The following HMCN2 variants were observed in gnomAD, a reference collection of about 807,000 sequenced individuals.
HMCN2 encodes hemicentin 2.
A neutral mutation model predicts 377.5 loss-of-function variants in HMCN2; 325 were observed. The observed-to-expected ratio is 0.86, with a 90% CI of 0.79 to 0.94. HMCN2 has a LOEUF of 0.94. HMCN2 is among the 40% of genes least tolerant of loss of function. HMCN2 has a pLI of 0.00. For missense variants in HMCN2, 4,543 were observed against 4,725.3 expected (o/e 0.96, Z 1.13); for synonymous variants, 2,007 against 2,046.8 (o/e 0.98, Z 0.53).
chr9:130,331,522 G>C (rs1838427730), intron 22 of HMCN2, among the ~76,000 whole-genome samples: 1 of 151,478 alleles, frequency 6.6e-6, no homozygotes, highest in Non-Finnish European at 1.5e-5. Flanking sequence ...GGCTTGGGCT[G>C]TGTGTGAGGT....
Position 130,422,982 on chromosome 9 carries a change from T to C in HMCN2, c.13381+256T>C, listed in dbSNP as rs1159954425. Among the ~76,000 whole-genome samples, 1 of 152,162 alleles carries C rather than the reference T, an allele frequency of 6.6e-6. No homozygotes were observed. The highest frequency in any genetic ancestry group is 2.4e-5 in the African/African-American group (1 of 41,438). On this transcript the variant is annotated intron_variant, in intron 87 of 97. Coordinates refer to ENST00000683500, the MANE Select transcript of HMCN2 (RefSeq NM_001291815.2). This position sits in a 1 kb window ranked among gnomAD's most constrained non-coding sequence, Gnocchi z 4.2. ...CATTTACAGTCAGACCAAGAGTGTG[T>C]GAAACGGTCAGTGTTCTGGGGGTGC...
chr9:130,304,671 A>G lies in HMCN2; in HGVS notation c.1544-59A>G, dbSNP rs1303646838. The G allele has an allele frequency of 4.8e-6, 2 of 417,226 alleles. No individual in the cohort carries two copies. The highest frequency in any genetic ancestry group is 1.4e-4 in the East Asian group (2 of 13,842). The allele number at this position is 417,226 out of a possible 1,614,324, so 25.8% of individuals were successfully genotyped here. ...GGTTCTGGGCAGCACCAGGGCTTGC[A>G]CGATGACCCCCTCCCTTGCCTCAGC... On this transcript the variant is annotated intron_variant, in intron 10 of 97. Coordinates refer to ENST00000683500, the MANE Select transcript of HMCN2 (RefSeq NM_001291815.2). The surrounding 1 kb of genome is among the most constrained non-coding windows in gnomAD (Gnocchi z 4.3).
chr9:130,266,063 G>T lies in HMCN2; in HGVS notation c.185G>T (p.Arg62Leu), dbSNP rs1194814316. Residue 62 changes from arginine to leucine, a missense_variant, in exon 1 of 98, where the codon CGC (arginine) becomes CTC (leucine). This residue lies in a region of HMCN2 where 547 missense variants were observed against 189.9 expected (regional missense o/e 2.88). Coordinates refer to ENST00000683500, the MANE Select transcript of HMCN2 (RefSeq NM_001291815.2). ...ATGCAGGTGATCGATGGCGCCTCGCGCATTCTGGAACGCAGTCTGAGCCGC... is the reference window on the plus strand; with the variant it reads ...ATGCAGGTGATCGATGGCGCCTCGCTCATTCTGGAACGCAGTCTGAGCCGC... ...ELMQVIDGAS[R>L]ILERSLSRRS... 1.1e-5 allele frequency: 5 copies of T among 470,582 alleles called. No homozygotes were observed. The highest frequency in any genetic ancestry group is 2.2e-5 in the Non-Finnish European group (5 of 227,012). 29.2% of individuals were successfully genotyped at this position (470,582 alleles called of 1,614,324 possible).
intron 1 of HMCN2, among the ~76,000 whole-genome samples, chr9:130,279,628 C>T (rs578135884): frequency 6.6e-6 from 1 of 152,330 alleles, no homozygotes; most frequent in South Asian, 2.1e-4. Context: ...GCTGATATTA[C>T]AGGCGTGAGC....
chr9:130,309,576 C>T (rs955616232), intron 14 of HMCN2, among the ~76,000 whole-genome samples: 10 of 151,604 alleles, frequency 6.6e-5, no homozygotes, highest in Non-Finnish European at 1.5e-4. Context: ...CAGGGCTCCC[C>T]AGAGCCCTCC....
Position 130,422,032 on chromosome 9 carries a change from C to T in HMCN2, c.13232-545C>T, listed in dbSNP as rs1844046401. Among the ~76,000 whole-genome samples, 1 of 152,236 alleles carries T rather than the reference C, an allele frequency of 6.6e-6. No individual in the cohort carries two copies. The highest frequency in any genetic ancestry group is 1.5e-5 in the Non-Finnish European group (1 of 68,044). On this transcript the variant is annotated intron_variant, in intron 86 of 97. Coordinates refer to ENST00000683500, the MANE Select transcript of HMCN2 (RefSeq NM_001291815.2). This position sits in a 1 kb window ranked among gnomAD's most constrained non-coding sequence, Gnocchi z 4.2. Reference sequence around the variant, plus strand: ...CATCCGTTTGATTAGCGCTAAAGAGCATCTGCTCACAGATGGCCTGGCGGG... The same window carrying T: ...CATCCGTTTGATTAGCGCTAAAGAGTATCTGCTCACAGATGGCCTGGCGGG...
At position 130,299,285 on chromosome 9, in the gene HMCN2, C is replaced by T. The variant is rs576792337; in HGVS notation, c.1273C>T (p.Pro425Ser). 82 of 454,680 alleles carry T rather than the reference C, an allele frequency of 1.8e-4. 3 individuals carry two copies. Among genetic ancestry groups the T allele is most frequent in the South Asian group, 1.2e-3 (77 of 63,248 alleles). The allele number at this position is 454,680 out of a possible 1,614,324, so 28.2% of individuals were successfully genotyped here. ...VSGVSYSGVA[P>S]GAPLVSMAPR... ...TGGAGTGTCCTACAGTGGGGTGGCC[C>T]CAGGTGAGTGGTTGGCTCTTTTGTC... The change falls in exon 8 of 98, where the codon CCA becomes TCA. Residue 425 changes from proline (P) to serine (S), a missense_variant. Transcript: ENST00000683500.
rs1411297012 is a variant in HMCN2, at chr9:130,354,941, G to A, written c.5043G>A (p.Val1681=). 5.4e-6 allele frequency: 7 copies of A among 1,303,362 alleles called. No homozygotes were observed. In the Admixed American group the frequency reaches 6.9e-5, roughly 13 times the overall value. The allele number at this position is 1,303,362 out of a possible 1,614,324, so 80.7% of individuals were successfully genotyped here. The stretch of plus-strand genomic sequence containing the variant: ...CGCGGCTGGAGACAGACGGGAGTGT[G>A]CTGAGGCTGGAGAGCCCGGGGGAGG... ...NESRLETDGS[V]LRLESPGEAS... Residue 1681 remains valine (V), a synonymous_variant, in exon 32 of 98, where the codon GTG becomes GTA. Transcript: ENST00000683500.
chr9:130,357,321 G>A (rs370503421), intron 34 of HMCN2, among the ~76,000 whole-genome samples: 3 of 150,466 alleles, frequency 2.0e-5, no homozygotes, highest in African/African-American at 7.4e-5. Context: ...TGCATGGGTG[G>A]GTGGGTGGAT....
At chr9:130,376,948 C>T (rs1450294350) in intron 52 of HMCN2, among the ~76,000 whole-genome samples, 1 of 151,476 alleles carries the variant, frequency 6.6e-6, no homozygotes, top group Non-Finnish European at 1.5e-5. Flanking sequence ...CAGGTGCCCG[C>T]CACCATGCCC....
rs1445572478 is a variant in HMCN2 at position 130,376,522 on chromosome 9, C to T, written c.7925C>T (p.Pro2642Leu). Reference sequence around the variant, plus strand: ...GACCCCTCGTGCTTTTCAGTCCCCCCTTCCATCTCCAAAGACGACCCCTTG... The same window carrying T: ...GACCCCTCGTGCTTTTCAGTCCCCCTTTCCATCTCCAAAGACGACCCCTTG... ...KNYHVEVLIP[P>L]SISKDDPLAE... Residue 2642 changes from proline to leucine, a missense_variant, in exon 52 of 98, where the codon CCT becomes CTT. By Grantham distance (98) the Pro-to-Leu change is moderately conservative. This residue lies in a region of HMCN2 where 736 missense variants were observed against 773.2 expected (regional missense o/e 0.95). Transcript: ENST00000683500. 1 of 985,798 alleles carries T rather than the reference C, an allele frequency of 1.0e-6. No homozygotes were observed. Among genetic ancestry groups the T allele is most frequent in the Admixed American group, 6.1e-5 (1 of 16,276 alleles). The allele number at this position is 985,798 out of a possible 1,614,324, so 61.1% of individuals were successfully genotyped here. A position where few individuals can be genotyped will look rare whatever the true frequency, so the allele number is the denominator to read the frequency against.
Position 130,369,471 on chromosome 9 carries a change from C to A in HMCN2, c.6788-99C>A. On this transcript the variant is annotated intron_variant, in intron 44 of 97. Transcript: ENST00000683500. This position sits in a 1 kb window ranked among gnomAD's most constrained non-coding sequence, Gnocchi z 4.5. ...CACGAGGTCACACAGCCAGCGATGG[C>A]AAGGGGAGAGGGTGTGTCCCTATTG... 1.5e-6 allele frequency: 1 copy of A among 667,652 alleles called. No homozygotes were observed. Among genetic ancestry groups the A allele is most frequent in the Non-Finnish European group, 1.9e-6 (1 of 539,496 alleles). 41.4% of individuals were successfully genotyped at this position (667,652 alleles called of 1,614,324 possible).
Position 130,428,321 on chromosome 9 carries a change from C to T in HMCN2, c.14066-37C>T. 1 of 1,498,478 alleles carries T rather than the reference C, an allele frequency of 6.7e-7. No individual in the cohort carries two copies. Among genetic ancestry groups the T allele is most frequent in the Non-Finnish European group, 9.0e-7 (1 of 1,116,986 alleles). 92.8% of individuals were successfully genotyped at this position (1,498,478 alleles called of 1,614,324 possible). On this transcript the variant is annotated intron_variant, in intron 92 of 97. Coordinates refer to ENST00000683500, the MANE Select transcript of HMCN2 (RefSeq NM_001291815.2). The surrounding 1 kb of genome is among the most constrained non-coding windows in gnomAD (Gnocchi z 5.0). ...CAGGTGGCGAGGCACGCCTGGGGAT[C>T]ATGTTCACACAGCCGTCTGCCCTGA...
At chr9:130,324,340 C>G (rs1358878223) in intron 19 of HMCN2, among the ~76,000 whole-genome samples, 2 of 152,188 alleles carry the variant, frequency 1.3e-5, no homozygotes, top group Admixed American at 1.3e-4. Context: ...TAGCATGTGT[C>G]AGAATTTTAT....
Position 130,425,838 on chromosome 9 carries a change from A to G in HMCN2, c.13793A>G (p.Gln4598Arg). The G allele has an allele frequency of 6.4e-7, 1 of 1,550,458 alleles. No individual in the cohort carries two copies. Among genetic ancestry groups the G allele is most frequent in the East Asian group, 2.4e-5 (1 of 40,880 alleles). Residue 4598 changes from glutamine to arginine, a missense_variant, in exon 90 of 98, where the codon CAG (glutamine) becomes CGG (arginine). By Grantham distance (43) the Gln-to-Arg change is conservative. Transcript: ENST00000683500. ...AARGPQPQLV[Q>R]HLRASAISSA... Reference sequence around the variant, plus strand: ...CGGGGCCCCCAGCCCCAGCTGGTGCAGCACCTGCGGGCCTCAGCTATCAGC... The same window carrying G: ...CGGGGCCCCCAGCCCCAGCTGGTGCGGCACCTGCGGGCCTCAGCTATCAGC...
chr9:130,354,792 A>G lies in HMCN2; in HGVS notation c.4894A>G (p.Arg1632Gly). The change falls in exon 32 of 98, where the codon AGA becomes GGA. Residue 1632 changes from arginine (R) to glycine (G), a missense_variant. Physicochemically the swap from Arg to Gly is moderately radical, Grantham distance 125 (BLOSUM62 -2). Transcript: ENST00000683500. ...ACCTACCATCGAGGGCGCCGGTGGAAGACCATACGTGGTGAAGGCTGTGGC... is the reference window on the plus strand; with the variant it reads ...ACCTACCATCGAGGGCGCCGGTGGAGGACCATACGTGGTGAAGGCTGTGGC... ...VPPTIEGAGG[R>G]PYVVKAVAGR... 1 of 1,303,572 alleles carries G rather than the reference A, an allele frequency of 7.7e-7. No individual in the cohort carries two copies. The highest frequency in any genetic ancestry group is 1.0e-6 in the Non-Finnish European group (1 of 988,450). The allele number at this position is 1,303,572 out of a possible 1,614,324, so 80.8% of individuals were successfully genotyped here.
In HMCN2 at chr9:130,422,707, C is replaced by A; in HGVS notation, c.13362C>A (p.Arg4454=). ...SGVSSIHSSI[R]HVPANVGPLM... ...TCAGCAGCATCCACAGCAGCATCCG[C>A]CATGTCCCAGCAAACGTGGGTGAGT... The change falls in exon 87 of 98, where the codon CGC becomes CGA. Residue 4454 remains arginine (R), a synonymous_variant. Coordinates refer to ENST00000683500, the MANE Select transcript of HMCN2 (RefSeq NM_001291815.2). The surrounding 1 kb of genome is among the most constrained non-coding windows in gnomAD (Gnocchi z 4.2). 1.6e-6 allele frequency: 2 copies of A among 1,282,448 alleles called. No individual in the cohort carries two copies. The highest frequency in any genetic ancestry group is 2.8e-5 in the South Asian group (1 of 35,532). 79.4% of individuals were successfully genotyped at this position (1,282,448 alleles called of 1,614,324 possible). A position where few individuals can be genotyped will look rare whatever the true frequency, so the allele number is the denominator to read the frequency against.
At chr9:130,425,640 C>A in intron 89 of HMCN2, 47 bp from the exon 90 acceptor site, 4 of 901,272 alleles carry the variant, frequency 4.4e-6, no homozygotes, top group Non-Finnish European at 5.2e-6. Context: ...ACCCCTTTCT[C>A]CCTCTCCCCC....
rs139001290 is a variant in HMCN2 at position 130,368,081 on chromosome 9, G to C, written c.6626-195G>C. 5.3e-3 allele frequency among the ~76,000 whole-genome samples: 814 copies of C among 152,222 alleles called. 6 individuals are homozygous for C. Among genetic ancestry groups the C allele is most frequent in the African/African-American group, 0.019 (771 of 41,518 alleles). On this transcript the variant is annotated intron_variant, in intron 43 of 97. Transcript: ENST00000683500. ...GATGCAGAGAAGCCTAGGGGGATGG[G>C]GGGAGTTCAGAAGAGGCACCAGGAC...
Sources: gnomAD v4.1 joint callset for allele counts (sites outside exome capture counted in the v4.1 genomes callset) on GRCh38, gnomAD v4.1.1 for gene constraint, gnomAD v4.1.1 regional missense constraint, Gnocchi (gnomAD v3.1) non-coding constraint, MANE v1.5 for transcripts, NCBI Gene and HGNC (gene_info 2026-07-23, HGNC 2026-07-21) for gene names.